CAMTA1: variants seen among roughly 807,000 people sequenced by gnomAD.
The protein encoded by CAMTA1 is calmodulin binding transcription activator 1.
In CAMTA1, 27 loss-of-function variants were observed where a neutral mutation model predicts 170.9. That is an observed-to-expected ratio of 0.16 (90% CI 0.12 to 0.22). CAMTA1 has a LOEUF of 0.22. CAMTA1 is among the 10% of genes least tolerant of loss of function. CAMTA1 has a pLI of 1.00. For missense variants in CAMTA1, 1,619 were observed against 2,217.2 expected (o/e 0.73, Z 5.42); for synonymous variants, 833 against 891.5 (o/e 0.93, Z 1.17).
intron 6 of CAMTA1, among the ~76,000 whole-genome samples, chr1:7,498,950 A>AGTGT (rs1340255162): frequency 7.9e-6 from 1 of 127,272 alleles, no homozygotes; most frequent in African/African-American, 3.1e-5. Flanking sequence ...TGTGTCCATG[A>AGTGT]GTGTGTAGAG....
intron 7 of CAMTA1, among the ~76,000 whole-genome samples, chr1:7,652,995 T>A (rs980686219): frequency 9.2e-5 from 14 of 152,052 alleles, no homozygotes; most frequent in African/African-American, 3.4e-4. Context: ...CACTGGGAGG[T>A]TAAAGATGTC....
chr1:7,201,390 G>T (rs1656668170), intron 4 of CAMTA1, among the ~76,000 whole-genome samples: 2 of 151,042 alleles, frequency 1.3e-5, no homozygotes, highest in Admixed American at 6.6e-5. Flanking sequence ...TTCTTTTTTG[G>T]GTATCCACCT....
chr1:7,729,114 C>CTT lies in CAMTA1; in HGVS notation c.2915-3326_2915-3325dup, dbSNP rs146252158. Among the ~76,000 whole-genome samples the CTT allele has an allele frequency of 1.3e-3, 179 of 142,312 alleles. 5 individuals are homozygous for CTT. The highest frequency in any genetic ancestry group is 5.3e-3 in the South Asian group (23 of 4,306). 93.4% of individuals were successfully genotyped at this position (142,312 alleles called of 152,430 possible). On this transcript the variant is annotated intron_variant, in intron 11 of 22. Coordinates refer to ENST00000303635, the MANE Select transcript of CAMTA1 (RefSeq NM_015215.4). ...TTTATTAGAAATTAATATGAGGAAT[C>CTT]TTTTTTTTTCTTTTTTTTTTGAGAC...
chr1:7,058,590 T>C (rs980450561), intron 3 of CAMTA1, among the ~76,000 whole-genome samples: 20 of 151,902 alleles, frequency 1.3e-4, no homozygotes, highest in Non-Finnish European at 2.2e-4. Context: ...GTTTAATGAG[T>C]AGGGAGGAGG....
intron 5 of CAMTA1, among the ~76,000 whole-genome samples, chr1:7,362,781 G>A (rs1023014371): frequency 6.9e-5 from 6 of 87,256 alleles, no homozygotes; most frequent in African/African-American, 1.8e-4. Context: ...GACTTGGGTA[G>A]AGTTAGTAGA....
At chr1:7,355,682 T>C (rs1196959033) in intron 5 of CAMTA1, among the ~76,000 whole-genome samples, 1 of 152,238 alleles carries the variant, frequency 6.6e-6, no homozygotes, top group African/African-American at 2.4e-5. Flanking sequence ...CTTCAGATGC[T>C]CCAGTGGCTT....
rs932809729 is a variant in CAMTA1 at position 7,146,118 on chromosome 1, G to A, written c.302+54747G>A. On this transcript the variant is annotated intron_variant, in intron 4 of 22. Transcript: ENST00000303635. This position sits in a 1 kb window ranked among gnomAD's most constrained non-coding sequence, Gnocchi z 4.3. The stretch of plus-strand genomic sequence containing the variant: ...TTAAAATGGGATGATTGTAAAGGCC[G>A]GGCCGAGGATCTCCCCTGGGGATGG... 2.6e-5 allele frequency among the ~76,000 whole-genome samples: 4 copies of A among 152,112 alleles called. No individual in the cohort carries two copies. The highest frequency in any genetic ancestry group is 9.7e-5 in the African/African-American group (4 of 41,422).
At chr1:6,901,568 CTA>C (rs1184842575) in intron 3 of CAMTA1, among the ~76,000 whole-genome samples, 6 of 152,192 alleles carry the variant, frequency 3.9e-5, no homozygotes, top group African/African-American at 1.4e-4. Context: ...AGAGAGTTCT[CTA>C]GACATCTTAG....
intron 6 of CAMTA1, among the ~76,000 whole-genome samples, chr1:7,563,844 G>C (rs1297918407): frequency 1.3e-5 from 2 of 152,170 alleles, no homozygotes; most frequent in African/African-American, 4.8e-5. Flanking sequence ...CAGACCAAAT[G>C]CCTGCCCATG....
intron 10 of CAMTA1, among the ~76,000 whole-genome samples, chr1:7,671,440 G>A (rs1290729103): frequency 2.0e-5 from 3 of 152,170 alleles, no homozygotes; most frequent in Non-Finnish European, 4.4e-5. Flanking sequence ...GCACCTGCCC[G>A]TGCCTCCCAT....
intron 5 of CAMTA1, among the ~76,000 whole-genome samples, chr1:7,370,634 G>A (rs893990721): frequency 1.3e-5 from 2 of 152,168 alleles, no homozygotes; most frequent in African/African-American, 4.8e-5. Context: ...CGCTAAGTGA[G>A]AAAGAAAAGT....
chr1:7,228,870 A>G (rs1662179349), intron 4 of CAMTA1, among the ~76,000 whole-genome samples: 1 of 152,078 alleles, frequency 6.6e-6, no homozygotes, highest in South Asian at 2.1e-4. Flanking sequence ...GTGCTGTGAC[A>G]CCAAGGCCTT....
intron 3 of CAMTA1, among the ~76,000 whole-genome samples, chr1:6,909,689 C>T (rs778055971): frequency 1.9e-4 from 29 of 152,188 alleles, no homozygotes; most frequent in Non-Finnish European, 3.2e-4. Flanking sequence ...GGTGGGGTGA[C>T]CCACAGGAGG....
chr1:7,184,973 T>C (rs1361092112), intron 4 of CAMTA1, among the ~76,000 whole-genome samples: 2 of 152,230 alleles, frequency 1.3e-5, no homozygotes, highest in African/African-American at 4.8e-5. Flanking sequence ...GGGTTTGTTT[T>C]TTCAAGTGAT....
chr1:7,231,804 C>A (rs1327250249), intron 4 of CAMTA1, among the ~76,000 whole-genome samples: 2 of 152,184 alleles, frequency 1.3e-5, no homozygotes, highest in African/African-American at 4.8e-5. Flanking sequence ...GTGCTGTCCT[C>A]TTCTGTCAAA....
rs1017137917 is a variant in CAMTA1, at chr1:7,542,464, C to G, written c.510+74563C>G. 3.3e-5 allele frequency among the ~76,000 whole-genome samples: 5 copies of G among 152,026 alleles called. No individual in the cohort carries two copies. The East Asian group carries it at 9.6e-4, about 29-fold the overall frequency. On this transcript the variant is annotated intron_variant, in intron 6 of 22. Transcript: ENST00000303635. ...TTTGTTTGTTTTTTTGAGACAGAGT[C>G]TCACTTTGTTGCCTAGGCTGCAGTG...
chr1:7,323,507 CTTTTTTTTTTT>C (rs56382342), intron 5 of CAMTA1, among the ~76,000 whole-genome samples: 1 of 108,998 alleles, frequency 9.2e-6, no homozygotes, highest in African/African-American at 3.4e-5. Context: ...CTTTATTCTT[CTTTTTTTTTTT>C]TTTTTTTTTT....
chr1:7,138,687 A>G (rs1387721136), intron 4 of CAMTA1, among the ~76,000 whole-genome samples: 2 of 152,036 alleles, frequency 1.3e-5, no homozygotes, highest in African/African-American at 2.4e-5. Flanking sequence ...ACCTTTTTTT[A>G]CTTACTTAAA....
chr1:6,826,239 C>G lies in CAMTA1; in HGVS notation c.234+1029C>G, dbSNP rs376486473. 9.8e-5 allele frequency among the ~76,000 whole-genome samples: 15 copies of G among 152,314 alleles called. No individual in the cohort carries two copies. In the East Asian group the frequency reaches 2.1e-3, roughly 22 times the overall value. On this transcript the variant is annotated intron_variant, in intron 3 of 22. Coordinates refer to ENST00000303635, the MANE Select transcript of CAMTA1 (RefSeq NM_015215.4). ...CCTTATCACAGGTTAGATTTAAATA[C>G]TCACTGGAACCTTACAGCTTTGTTA...
Sources: allele counts gnomAD v4.1 joint callset (sites outside exome capture counted in the v4.1 genomes callset), GRCh38; gene constraint gnomAD v4.1.1; non-coding constraint Gnocchi (gnomAD v3.1); transcripts MANE v1.5; gene names NCBI Gene and HGNC (gene_info 2026-07-23, HGNC 2026-07-21).